INSL6: variants seen among roughly 807,000 people sequenced by gnomAD.
INSL6 encodes the protein insulin like 6, also known as insulin-like peptide INSL6.
Under a neutral mutation model 9.4 loss-of-function variants are expected in INSL6, and 16 were observed. The ratio of observed to expected loss-of-function variants is 1.70; its 90% CI spans 1.15 to 2.59. INSL6 has a LOEUF of 2.59. Ranked by LOEUF, INSL6 falls within the 30% of genes most tolerant of loss-of-function variation. The probability of loss-of-function intolerance (pLI) is 0.00; values close to 1 mark genes in which losing one functional copy is unlikely to be tolerated. For synonymous variants in INSL6, 154 were observed against 96.9 expected (o/e 1.59, Z -3.46); for missense variants, 391 against 257.3 (o/e 1.52, Z -3.56).
the INSL6 span, among the ~76,000 whole-genome samples, chr9:5,092,843 T>C: frequency 6.6e-6 from 1 of 152,148 alleles, no homozygotes; most frequent in African/African-American, 2.4e-5. Flanking sequence ...AGCTTTAAAC[T>C]TACCCACAGA....
chr9:5,175,510 T>C (rs1030501031), intron 1 of INSL6, among the ~76,000 whole-genome samples: 2 of 152,112 alleles, frequency 1.3e-5, no homozygotes, highest in African/African-American at 2.4e-5. Context: ...TTTAAAATGA[T>C]CTAAAACAGG....
the INSL6 span, among the ~76,000 whole-genome samples, chr9:5,042,932 G>A: frequency 6.6e-6 from 1 of 152,230 alleles, no homozygotes; most frequent in Non-Finnish European, 1.5e-5. Flanking sequence ...TGCTAGGAGG[G>A]TGCTTCTCGA....
chr9:5,180,144 A>C (rs143944808), intron 1 of INSL6, among the ~76,000 whole-genome samples: 4,600 of 152,288 alleles, frequency 0.03, 103 homozygotes, highest in Non-Finnish European at 0.044. Flanking sequence ...TAATATGGAC[A>C]TTTATCAGTT....
the INSL6 span, among the ~76,000 whole-genome samples, chr9:5,084,387 G>A: frequency 7.9e-5 from 12 of 152,092 alleles, no homozygotes; most frequent in African/African-American, 2.4e-4. Flanking sequence ...CTACAAAAAT[G>A]ATTGCATGTC....
chr9:5,062,992 A>C, the INSL6 span, among the ~76,000 whole-genome samples: 5 of 152,148 alleles, frequency 3.3e-5, no homozygotes, highest in African/African-American at 1.2e-4. Flanking sequence ...TGTAATCTCC[A>C]AGTCTTTTAA....
chr9:5,035,401 G>C, the INSL6 span, among the ~76,000 whole-genome samples: 2 of 152,170 alleles, frequency 1.3e-5, no homozygotes, highest in African/African-American at 4.8e-5. Flanking sequence ...GCATCATCCT[G>C]ATACCAAAGC....
the INSL6 span, among the ~76,000 whole-genome samples, chr9:5,054,171 G>A: frequency 6.6e-6 from 1 of 151,988 alleles, no homozygotes; most frequent in Non-Finnish European, 1.5e-5. This position sits in a 1 kb window ranked among gnomAD's most constrained non-coding sequence, Gnocchi z 4.9. Context: ...TTGGAGCACA[G>A]CATCATAGGA....
At chr9:5,035,820 C>G in the INSL6 span, among the ~76,000 whole-genome samples, 1,612 of 152,234 alleles carry the variant, frequency 0.011, 30 homozygotes, top group African/African-American at 0.038. Flanking sequence ...AAAACTGGCA[C>G]AAGACAGGGA....
At chr9:5,158,370 A>G (rs1326485358) in intron 2 of INSL6, among the ~76,000 whole-genome samples, 4 of 151,836 alleles carry the variant, frequency 2.6e-5, no homozygotes, top group Admixed American at 6.6e-5. Flanking sequence ...GAATTTAAGA[A>G]GGTTAGAGAA....
chr9:5,129,899 A>C (rs542795622), intron 3 of INSL6, among the ~76,000 whole-genome samples: 14 of 152,150 alleles, frequency 9.2e-5, no homozygotes, highest in Non-Finnish European at 2.1e-4. Context: ...TTACTTTTAT[A>C]ATCTTACCTT....
At chr9:5,029,427 A>G in the INSL6 span, among the ~76,000 whole-genome samples, 1 of 152,218 alleles carries the variant, frequency 6.6e-6, no homozygotes, top group Non-Finnish European at 1.5e-5. Flanking sequence ...GTATTGCAAG[A>G]ATTACCAAAA....
the INSL6 span, among the ~76,000 whole-genome samples, chr9:5,083,586 T>G: frequency 6.6e-6 from 1 of 152,144 alleles, no homozygotes; most frequent in Non-Finnish European, 1.5e-5. Flanking sequence ...TTGCTTGCCC[T>G]TTTTTTCCTT....
chr9:5,024,974 G>A, the INSL6 span, among the ~76,000 whole-genome samples: 1 of 152,180 alleles, frequency 6.6e-6, no homozygotes, highest in Non-Finnish European at 1.5e-5. Flanking sequence ...GGGCTGGTGG[G>A]CAGGACATGG....
At chr9:5,064,755 C>A in the INSL6 span, 1 of 593,862 alleles carries the variant, frequency 1.7e-6, no homozygotes, top group Non-Finnish European at 2.8e-6. Context: ...ATATTGAGTA[C>A]TGAGCCATAA....
the INSL6 span, among the ~76,000 whole-genome samples, chr9:5,036,514 G>T: frequency 6.6e-6 from 1 of 152,150 alleles, no homozygotes; most frequent in South Asian, 2.1e-4. Context: ...GCATGGTACT[G>T]GTATCAAAAC....
downstream of INSL6, among the ~76,000 whole-genome samples, chr9:5,121,930 T>A (rs1473130517): frequency 6.6e-6 from 1 of 152,186 alleles, no homozygotes; most frequent in East Asian, 1.9e-4. Flanking sequence ...TCAAGAACTT[T>A]GCATTCCCCT....
At chr9:5,097,107 C>G in the INSL6 span, 1 of 152,156 alleles carries the variant, frequency 6.6e-6, no homozygotes, top group East Asian at 1.9e-4. Flanking sequence ...TTACCATCTT[C>G]TCACTTCACT....
At chr9:5,073,862 A>T in the INSL6 span, 4 of 933,342 alleles carry the variant, frequency 4.3e-6, no homozygotes, top group Non-Finnish European at 6.8e-6. Flanking sequence ...CAGTTTCAGG[A>T]TCACAGCTAG....
At chr9:5,085,687 C>T in the INSL6 span, 5 of 739,906 alleles carry the variant, frequency 6.8e-6, no homozygotes, top group Non-Finnish European at 1.3e-5. Flanking sequence ...TTATCAATAA[C>T]GTCATCGTGA....
Sources: gnomAD v4.1 joint callset for allele counts (sites outside exome capture counted in the v4.1 genomes callset) on GRCh38, gnomAD v4.1.1 for gene constraint, Gnocchi (gnomAD v3.1) non-coding constraint, MANE v1.5 for transcripts, NCBI Gene and HGNC (gene_info 2026-07-23, HGNC 2026-07-21) for gene names.